Variants in DNAH11 observed in about 807,000 individuals in gnomAD.
The protein encoded by DNAH11 is axonemal beta dynein heavy chain 11.
A neutral mutation model predicts 526.0 loss-of-function variants in DNAH11; 442 were observed. The ratio of observed to expected loss-of-function variants is 0.84; its 90% confidence interval spans 0.78 to 0.91. DNAH11 has a LOEUF of 0.91. DNAH11 is among the 40% of genes least tolerant of loss of function. DNAH11 has a pLI of 0.00. For synonymous variants in DNAH11, 2,461 were observed against 1,935.9 expected, an observed-to-expected ratio of 1.27 and a Z score of -7.12; for missense variants, 6,989 against 5,448.7, an observed-to-expected ratio of 1.28 and a Z score of -8.90.
intron 20 of DNAH11, among the ~76,000 whole-genome samples, chr7:21,612,975 TAGC>T (rs1460639836): frequency 6.6e-6 from 1 of 152,158 alleles, no homozygotes; most frequent in Non-Finnish European, 1.5e-5. Flanking sequence ...TAGAAACACT[TAGC>T]AGCCATTTTT....
At chr7:21,845,614 C>T (rs967939915) in intron 66 of DNAH11, among the ~76,000 whole-genome samples, 14 of 152,030 alleles carry the variant, frequency 9.2e-5, no homozygotes, top group Admixed American at 2.6e-4. Context: ...AATATCACAC[C>T]GCCTTGATTA....
rs752918659 is a variant in DNAH11 at position 21,892,647 on chromosome 7, G to T, written c.12730G>T (p.Gly4244Trp). 5.0e-6 allele frequency: 8 copies of T among 1,607,954 alleles called. No homozygotes were observed. The highest frequency in any genetic ancestry group is 5.9e-6 in the Non-Finnish European group (7 of 1,176,784). ...GAATGCACTCAGTGGTGATGAACTG[G>T]GGCAGTCTACAGAAGAAAAGGTAGA... is the stretch of plus-strand genomic sequence containing the variant. ...PRNALSGDEL[G>W]QSTEEKVKNV... The change falls in exon 77 of 82, where the codon GGG (glycine) becomes TGG (tryptophan). Residue 4244 changes from glycine (G) to tryptophan (W), a missense_variant. Coordinates refer to ENST00000409508, the MANE Select transcript of DNAH11 (RefSeq NM_001277115.2).
chr7:21,600,784 C>G lies in DNAH11; in HGVS notation c.3109C>G (p.His1037Asp), dbSNP rs370878348. ...AGATTTCAGAAACACCCTGGAGACC[C>G]ACACTTACCTCTGGGTGGATGATCG... ...VLDFRNTLET[H>D]TYLWVDDRAE... Residue 1037 changes from histidine to aspartate, a missense_variant, in exon 16 of 82, where the codon CAC becomes GAC. By Grantham distance (81) the His-to-Asp change is moderately conservative. Transcript: ENST00000409508. 1.7e-5 allele frequency: 27 copies of G among 1,613,644 alleles called. No individual in the cohort carries two copies. In the African/African-American group the frequency reaches 3.5e-4, roughly 21 times the overall value.
At chr7:21,815,550 C>T (rs1859106) in intron 63 of DNAH11, among the ~76,000 whole-genome samples, 61,052 of 151,864 alleles carry the variant, frequency 0.4, 13,102 homozygotes, top group East Asian at 0.82. Flanking sequence ...AATGCTGATA[C>T]AGCCTCCCCT....
At chr7:21,545,449 C>G (rs2128425682) in intron 2 of DNAH11, among the ~76,000 whole-genome samples, 1 of 152,144 alleles carries the variant, frequency 6.6e-6, no homozygotes, top group South Asian at 2.1e-4. Flanking sequence ...ACAATAGAAG[C>G]AAATAAAAAG....
intron 36 of DNAH11, among the ~76,000 whole-genome samples, chr7:21,698,619 C>A (rs535571604): frequency 6.6e-6 from 1 of 152,196 alleles, no homozygotes; most frequent in East Asian, 1.9e-4. Context: ...TCTCCACCTC[C>A]ATCCAGGTTG....
chr7:21,900,923 G>A (rs1169079920), intron 81 of DNAH11, 84 bp from the exon 82 acceptor site: 1 of 1,424,414 alleles, frequency 7.0e-7, no homozygotes, highest in Non-Finnish European at 9.2e-7. Flanking sequence ...AATGTTGAAT[G>A]TTTATTGCAT....
At chr7:21,546,457 C>G (rs575812376) in intron 2 of DNAH11, among the ~76,000 whole-genome samples, 1 of 152,316 alleles carries the variant, frequency 6.6e-6, no homozygotes, top group South Asian at 2.1e-4. Flanking sequence ...ATCTAGACCA[C>G]TATCAACTGG....
At chr7:21,545,842 C>T (rs1782785963) in intron 2 of DNAH11, among the ~76,000 whole-genome samples, 1 of 152,180 alleles carries the variant, frequency 6.6e-6, no homozygotes, top group South Asian at 2.1e-4. Context: ...TGAAGAACAA[C>T]TGCCAAATAA....
chr7:21,727,582 C>T (rs1785182545), intron 45 of DNAH11, among the ~76,000 whole-genome samples: 1 of 152,170 alleles, frequency 6.6e-6, no homozygotes, highest in African/African-American at 2.4e-5. Flanking sequence ...ATTCTTTGAT[C>T]ATCGTATTCT....
chr7:21,574,564 C>CTTTTT (rs35535321), intron 8 of DNAH11, among the ~76,000 whole-genome samples: 1 of 123,840 alleles, frequency 8.1e-6, no homozygotes, highest in Non-Finnish European at 1.7e-5. Flanking sequence ...CCCTTCCTTC[C>CTTTTT]TTTTTTTTTT....
At chr7:21,701,289 CTT>C (rs61172341) in intron 36 of DNAH11, among the ~76,000 whole-genome samples, 11,721 of 136,380 alleles carry the variant, frequency 0.086, 453 homozygotes, top group East Asian at 0.2. Flanking sequence ...ACACTTTTTA[CTT>C]TTTTTTTTTT....
intron 45 of DNAH11, among the ~76,000 whole-genome samples, chr7:21,727,127 G>T (rs1188214901): frequency 6.6e-6 from 1 of 151,084 alleles, no homozygotes; most frequent in Non-Finnish European, 1.5e-5. Context: ...TAGAGACGGG[G>T]TTTCACCGTG....
rs746658722 is a variant in DNAH11 at position 21,880,791 on chromosome 7, G to A, written c.12285G>A (p.Leu4095=). The stretch of plus-strand genomic sequence containing the variant: ...TCCACGCCTGTGTTGCTGGGAGACT[G>A]AGGTTTGGCCCCCAGGGCTGGAGCC... The part of the protein sequence containing the change: ...CYFHACVAGR[L]RFGPQGWSRS... Residue 4095 remains leucine (L), a synonymous_variant, in exon 75 of 82, where the codon CTG becomes CTA. Coordinates refer to ENST00000409508, the MANE Select transcript of DNAH11 (RefSeq NM_001277115.2). 1.9e-6 allele frequency: 3 copies of A among 1,613,996 alleles called. No individual in the cohort carries two copies. In the South Asian group the frequency reaches 3.3e-5, roughly 18 times the overall value.
chr7:21,801,374 T>A, intron 62 of DNAH11, 99 bp downstream of exon 62: 1 of 1,465,206 alleles, frequency 6.8e-7, no homozygotes, highest in Non-Finnish European at 9.3e-7. Context: ...GACATGGAAT[T>A]AACAACAAAG....
chr7:21,650,763 C>T (rs930284719), intron 28 of DNAH11, among the ~76,000 whole-genome samples: 2 of 151,842 alleles, frequency 1.3e-5, no homozygotes, highest in African/African-American at 2.4e-5. Flanking sequence ...CCTCAGCCTC[C>T]AGAGTAGCGG....
chr7:21,560,841 TATA>T (rs1783427376), intron 4 of DNAH11, among the ~76,000 whole-genome samples: 3 of 152,088 alleles, frequency 2.0e-5, no homozygotes. Context: ...AACTATCACA[TATA>T]ATAATATATA....
rs141647011 is a variant in DNAH11 at position 21,575,195 on chromosome 7, C to T, written c.1593+3222C>T. Among the ~76,000 whole-genome samples the T allele has an allele frequency of 1.1e-3, 172 of 152,204 alleles. 1 individual carries two copies. The highest frequency in any genetic ancestry group is 0.01 in the Middle Eastern group (3 of 294). ...CCCAGCCCCTGCATTCTTTTCACTG[C>T]ACCACCCTGTTAGTATTTATCTTGC... On this transcript the variant is annotated intron_variant, in intron 8 of 81. Coordinates refer to ENST00000409508, the MANE Select transcript of DNAH11 (RefSeq NM_001277115.2).
At chr7:21,696,403 T>C (rs1010458383) in intron 35 of DNAH11, among the ~76,000 whole-genome samples, 1 of 152,230 alleles carries the variant, frequency 6.6e-6, no homozygotes, top group African/African-American at 2.4e-5. Flanking sequence ...ACATCTTGTA[T>C]TGAATGTTTT....
Sources: gnomAD v4.1 joint callset for allele counts (sites outside exome capture counted in the v4.1 genomes callset) on GRCh38, gnomAD v4.1.1 for gene constraint, MANE v1.5 for transcripts, NCBI Gene and HGNC (gene_info 2026-07-23, HGNC 2026-07-21) for gene names.